Variants in WWP1 observed in about 807,000 individuals in gnomAD.
WWP1 encodes the protein NEDD4-like E3 ubiquitin-protein ligase WWP1.
WWP1 carries 49 observed loss-of-function variants against 130.6 expected under a neutral mutation model. The observed-to-expected ratio is 0.38, with a 90% CI of 0.30 to 0.48. The LOEUF is 0.48. Ranked by LOEUF, WWP1 falls within the 20% of genes least tolerant of loss-of-function variation. The pLI, the probability that WWP1 is intolerant of heterozygous loss-of-function variation, is 0.99. For synonymous variants in WWP1, 332 were observed against 367.8 expected, an observed-to-expected ratio of 0.90 and a Z score of 1.11; for missense variants, 809 against 1,100.6, an observed-to-expected ratio of 0.74 and a Z score of 3.75.
chr8:86,450,769 AC>A (rs2130751389), intron 20 of WWP1, among the ~76,000 whole-genome samples: 1 of 152,272 alleles, frequency 6.6e-6, no homozygotes, highest in African/African-American at 2.4e-5. Flanking sequence ...TTTTTAGTGC[AC>A]AAAATAGGCC....
At chr8:86,351,205 T>TAATTGCTTAAA (rs1822897662) in intron 1 of WWP1, among the ~76,000 whole-genome samples, 1 of 152,230 alleles carries the variant, frequency 6.6e-6, no homozygotes, top group South Asian at 2.1e-4. Context: ...TTAAATCATG[T>TAATTGCTTAAA]TTATTGCTCG....
intron 9 of WWP1, among the ~76,000 whole-genome samples, chr8:86,420,739 C>T (rs1267487918): frequency 6.6e-6 from 1 of 152,074 alleles, no homozygotes; most frequent in Admixed American, 6.5e-5. Flanking sequence ...ATAAGTCTCA[C>T]AGACTGTATG....
At chr8:86,399,323 C>A (rs1807844208) in intron 7 of WWP1, among the ~76,000 whole-genome samples, 1 of 152,156 alleles carries the variant, frequency 6.6e-6, no homozygotes, top group Admixed American at 6.5e-5. Flanking sequence ...CCTCAGACAT[C>A]ATTCTACCAT....
In WWP1 at chr8:86,380,808, G is replaced by A. The variant is rs573309707; in HGVS notation, c.153G>A (p.Thr51=). 24 of 1,613,308 alleles carry A rather than the reference G, an allele frequency of 1.5e-5. No individual in the cohort carries two copies. In the East Asian group the frequency reaches 2.0e-4, roughly 14 times the overall value. ...YTEVVVDGEI[T]KTAKSSSSSN... ...AAGTAGTTGTAGATGGAGAAATTAC[G>A]AAAACAGCAAAATCCAGTAGTTCTT... Residue 51 remains threonine, a synonymous_variant, in exon 4 of 25, where the codon ACG becomes ACA. Coordinates refer to ENST00000517970, the MANE Select transcript of WWP1 (RefSeq NM_007013.4).
chr8:86,370,101 TTG>T (rs1274187383), intron 2 of WWP1, among the ~76,000 whole-genome samples: 2 of 152,344 alleles, frequency 1.3e-5, no homozygotes, highest in African/African-American at 4.8e-5. Context: ...TATCCTGAAC[TTG>T]TTTCCATCTT....
At chr8:86,354,086 A>T (rs1823113271) in intron 1 of WWP1, among the ~76,000 whole-genome samples, 1 of 152,318 alleles carries the variant, frequency 6.6e-6, no homozygotes, top group African/African-American at 2.4e-5. Flanking sequence ...GTTGGCACCC[A>T]TGGGCTGAGT....
chr8:86,441,925 T>C (rs897595599), intron 17 of WWP1, among the ~76,000 whole-genome samples: 1 of 152,188 alleles, frequency 6.6e-6, no homozygotes, highest in Non-Finnish European at 1.5e-5. Flanking sequence ...TGTAATACCT[T>C]TATCTAGTTG....
At chr8:86,369,129 C>A (rs1488073597) in intron 2 of WWP1, 98 bp downstream of exon 2, 1 of 152,070 alleles carries the variant, frequency 6.6e-6, no homozygotes, top group African/African-American at 2.4e-5. Flanking sequence ...AATACGTTGT[C>A]ATAAAAAATA....
intron 24 of WWP1, among the ~76,000 whole-genome samples, chr8:86,462,324 G>A (rs1274597303): frequency 6.6e-6 from 1 of 152,202 alleles, no homozygotes. Flanking sequence ...TGATGTGGGA[G>A]TACGCAGAGA....
chr8:86,452,097 T>G (rs1457914215), intron 20 of WWP1, among the ~76,000 whole-genome samples: 2 of 152,120 alleles, frequency 1.3e-5, no homozygotes, highest in Non-Finnish European at 2.9e-5. Context: ...TCCCTTGCCT[T>G]GCTGGTGTGG....
chr8:86,432,402 C>T (rs1404562539), intron 14 of WWP1, among the ~76,000 whole-genome samples: 4 of 152,250 alleles, frequency 2.6e-5, no homozygotes, highest in East Asian at 1.9e-4. Context: ...ATCAAAGTCT[C>T]GTCCCTCTGC....
At position 86,464,224 on chromosome 8, in the gene WWP1, T is replaced by C. The variant is rs1057513700; in HGVS notation, c.2669+2378T>C. Among the ~76,000 whole-genome samples, 12 of 152,292 alleles carry C rather than the reference T, an allele frequency of 7.9e-5. 1 individual carries two copies. Among genetic ancestry groups the C allele is most frequent in the Admixed American group, 5.2e-4 (8 of 15,300 alleles). ...ATCCATAATTACCTGACAAGATGAG[T>C]AATCTCCATTTCTAACTATTTATCT... On this transcript the variant is annotated intron_variant, in intron 24 of 24. Coordinates refer to ENST00000517970, the MANE Select transcript of WWP1 (RefSeq NM_007013.4).
At position 86,342,651 on chromosome 8, in the gene WWP1, A is replaced by C; in HGVS notation, c.-394A>C. ...AGGGCGCGGCGCCGGCGACGCGGCC[A>C]CGCGGCGCGCTCCCGAGGAAGGGAG... is the stretch of plus-strand genomic sequence containing the variant. On this transcript the variant is annotated 5_prime_UTR_variant, in exon 1 of 25. Transcript: ENST00000517970. 1 of 254,656 alleles carries C rather than the reference A, an allele frequency of 3.9e-6. No homozygotes were observed. The highest frequency in any genetic ancestry group is 7.2e-6 in the Non-Finnish European group (1 of 139,166). 15.8% of individuals were successfully genotyped at this position (254,656 alleles called of 1,614,324 possible).
chr8:86,351,635 A>C (rs1434868521), intron 1 of WWP1, among the ~76,000 whole-genome samples: 1 of 151,994 alleles, frequency 6.6e-6, no homozygotes, highest in African/African-American at 2.4e-5. Context: ...TGGCCAAATA[A>C]ACAAAAAAAA....
In WWP1 at chr8:86,463,400, A is replaced by T. The variant is rs189242358; in HGVS notation, c.2669+1554A>T. On this transcript the variant is annotated intron_variant, in intron 24 of 24. Transcript: ENST00000517970. ...TGGCTCACTGCAACCTCTGCCTCCCAAGTTCAAGCGATTCTCCTGCCTCAG... is the reference window on the plus strand; with the variant it reads ...TGGCTCACTGCAACCTCTGCCTCCCTAGTTCAAGCGATTCTCCTGCCTCAG... 6.1e-3 allele frequency among the ~76,000 whole-genome samples: 927 copies of T among 151,930 alleles called. 16 individuals are homozygous for T. Among genetic ancestry groups the T allele is most frequent in the Non-Finnish European group, 7.6e-3 (514 of 67,926 alleles).
At chr8:86,436,505 A>G (rs1374690153) in intron 16 of WWP1, among the ~76,000 whole-genome samples, 1 of 152,124 alleles carries the variant, frequency 6.6e-6, no homozygotes, top group Non-Finnish European at 1.5e-5. Flanking sequence ...ACCACCCAAC[A>G]TAGTGTATTT....
chr8:86,406,825 T>C (rs1808306328), intron 8 of WWP1, among the ~76,000 whole-genome samples: 1 of 152,234 alleles, frequency 6.6e-6, no homozygotes. Flanking sequence ...TTAAAGAAAC[T>C]TGCTGTGTAT....
rs1823574511 is a variant in WWP1 at position 86,361,196 on chromosome 8, C to CAT, written c.-114-7743_-114-7742insAT. ...CAGGAAGACCATTTAGCAAGCTGTGCTTAGTTTGGATGAGAAATTATGGGC... is the reference window on the plus strand; with the variant it reads ...CAGGAAGACCATTTAGCAAGCTGTGCATTTAGTTTGGATGAGAAATTATGGGC... On this transcript the variant is annotated intron_variant, in intron 1 of 24. Transcript: ENST00000517970. Among the ~76,000 whole-genome samples, 3 of 152,152 alleles carry CAT rather than the reference C, an allele frequency of 2.0e-5. No homozygotes were observed. The East Asian group carries it at 5.8e-4, about 29-fold the overall frequency.
intron 1 of WWP1, 83 bp downstream of exon 1, chr8:86,343,013 T>G: frequency 3.3e-6 from 1 of 302,402 alleles, no homozygotes. Context: ...GCCGCGGTGC[T>G]GGGCGCCCGG....
Sources: gnomAD v4.1 joint callset for allele counts (sites outside exome capture counted in the v4.1 genomes callset) on GRCh38, gnomAD v4.1.1 for gene constraint, MANE v1.5 for transcripts, NCBI Gene and HGNC (gene_info 2026-07-23, HGNC 2026-07-21) for gene names.